Variants in PTPRZ1 observed in about 807,000 individuals in gnomAD.
PTPRZ1 encodes protein tyrosine phosphatase receptor type Z1.
PTPRZ1 carries 82 observed loss-of-function variants against 214.1 expected under a neutral mutation model. That is an observed-to-expected ratio of 0.38 (90% confidence interval 0.32 to 0.46). PTPRZ1 has a LOEUF of 0.46. Ranked by LOEUF, PTPRZ1 falls within the 20% of genes least tolerant of loss-of-function variation. The probability of loss-of-function intolerance (pLI) is 1.00; values close to 1 mark genes in which losing one functional copy is unlikely to be tolerated. For synonymous variants in PTPRZ1, 945 were observed against 987.9 expected (o/e 0.96, Z 0.81); for missense variants, 2,603 against 2,748.7 (o/e 0.95, Z 1.19).
chr7:121,934,315 A>G (rs1796008898), intron 2 of PTPRZ1, among the ~76,000 whole-genome samples: 1 of 151,980 alleles, frequency 6.6e-6, no homozygotes, highest in Non-Finnish European at 1.5e-5. Flanking sequence ...AATCTCAGTG[A>G]GAGGATATCA....
Position 122,028,491 on chromosome 7 carries a change from T to A in PTPRZ1, c.4989-61T>A, listed in dbSNP as rs1444614832. ...ATTTCTATCAAAATTTTCAAGCAGCTCAGAAATTGTCTTATTTTCCATAGC... is the reference window on the plus strand; with the variant it reads ...ATTTCTATCAAAATTTTCAAGCAGCACAGAAATTGTCTTATTTTCCATAGC... On this transcript the variant is annotated intron_variant, in intron 13 of 29. Coordinates refer to ENST00000393386, the MANE Select transcript of PTPRZ1 (RefSeq NM_002851.3). The A allele has an allele frequency of 3.9e-6, 5 of 1,294,132 alleles. No homozygotes were observed. In the East Asian group the frequency reaches 1.2e-4, roughly 30 times the overall value. The allele number at this position is 1,294,132 out of a possible 1,614,324, so 80.2% of individuals were successfully genotyped here.
intron 17 of PTPRZ1, 144 bp from the exon 18 acceptor site, chr7:122,036,456 C>T (rs1584764869): frequency 1.6e-6 from 1 of 615,408 alleles, no homozygotes; most frequent in East Asian, 2.8e-5. Context: ...TTTGCTGTCT[C>T]TGTATCCCCA....
intron 2 of PTPRZ1, among the ~76,000 whole-genome samples, chr7:121,957,653 A>G (rs1257999361): frequency 2.6e-5 from 4 of 152,200 alleles, no homozygotes; most frequent in East Asian, 1.9e-4. Flanking sequence ...GCCCATTTAC[A>G]TATATTATCT....
At chr7:122,055,273 A>T (rs1162965380) in intron 27 of PTPRZ1, among the ~76,000 whole-genome samples, 186 bp downstream of exon 27, 2 of 152,028 alleles carry the variant, frequency 1.3e-5, no homozygotes, top group African/African-American at 4.8e-5. Flanking sequence ...TTAAACAATT[A>T]GTCATCACTA....
At chr7:121,996,168 T>C (rs1378468552) in intron 8 of PTPRZ1, among the ~76,000 whole-genome samples, 1 of 152,116 alleles carries the variant, frequency 6.6e-6, no homozygotes, top group Non-Finnish European at 1.5e-5. Flanking sequence ...CTTTCCAGAA[T>C]GGAAAGCTGG....
chr7:121,889,553 G>A (rs1012394768), intron 1 of PTPRZ1, among the ~76,000 whole-genome samples: 3 of 152,040 alleles, frequency 2.0e-5, no homozygotes, highest in African/African-American at 2.4e-5. Flanking sequence ...AAAATAATAG[G>A]TGTTTCTTAA....
intron 11 of PTPRZ1, among the ~76,000 whole-genome samples, chr7:122,005,553 G>A (rs1376389470): frequency 1.3e-5 from 2 of 151,924 alleles, no homozygotes; most frequent in Admixed American, 6.6e-5. Context: ...AAAATGACCA[G>A]TCTACTTTGT....
chr7:121,936,630 G>GTGTGAGAGTCTATCTAACTA (rs370277493), intron 2 of PTPRZ1, among the ~76,000 whole-genome samples: 274 of 152,282 alleles, frequency 1.8e-3, no homozygotes, highest in African/African-American at 6.2e-3. Context: ...CGAGGTTTGG[G>GTGTGAGAGTCTATCTAACTA]TGTGAGAGTC....
intron 1 of PTPRZ1, among the ~76,000 whole-genome samples, chr7:121,893,989 A>G (rs1286897816): frequency 1.3e-5 from 2 of 152,354 alleles, no homozygotes; most frequent in African/African-American, 4.8e-5. Context: ...GATCGTGTGC[A>G]CAGGGCTAGT....
At chr7:122,014,346 C>A (rs1420380633) in intron 12 of PTPRZ1, among the ~76,000 whole-genome samples, 1 of 151,970 alleles carries the variant, frequency 6.6e-6, no homozygotes, top group Non-Finnish European at 1.5e-5. Flanking sequence ...GTGACATAAG[C>A]ACTTCTCTCT....
chr7:121,893,070 C>G (rs1212239101), intron 1 of PTPRZ1, among the ~76,000 whole-genome samples: 3 of 151,734 alleles, frequency 2.0e-5, no homozygotes, highest in Non-Finnish European at 4.4e-5. Flanking sequence ...CACAGAGAGG[C>G]AGGAAGGAGG....
In PTPRZ1 at chr7:122,061,305, T is replaced by C; in HGVS notation, c.*85T>C. ...CAGGAAAATCAGTCTAGTTCTGTTATCTGTTGATTTCCCATCACCTGACAG... is the reference window on the plus strand; with the variant it reads ...CAGGAAAATCAGTCTAGTTCTGTTACCTGTTGATTTCCCATCACCTGACAG... On this transcript the variant is annotated 3_prime_UTR_variant, in exon 30 of 30. Coordinates refer to ENST00000393386, the MANE Select transcript of PTPRZ1 (RefSeq NM_002851.3). The C allele has an allele frequency of 7.9e-7, 1 of 1,270,532 alleles. No individual in the cohort carries two copies. Among genetic ancestry groups the C allele is most frequent in the Non-Finnish European group, 1.0e-6 (1 of 962,700 alleles). The allele number at this position is 1,270,532 out of a possible 1,614,324, so 78.7% of individuals were successfully genotyped here.
At chr7:121,899,432 T>C (rs1414149777) in intron 1 of PTPRZ1, among the ~76,000 whole-genome samples, 1 of 152,248 alleles carries the variant, frequency 6.6e-6, no homozygotes, top group African/African-American at 2.4e-5. Flanking sequence ...TAAATTCTGC[T>C]AACTATAAAA....
intron 1 of PTPRZ1, among the ~76,000 whole-genome samples, chr7:121,901,562 C>A (rs1445200606): frequency 6.6e-6 from 1 of 152,038 alleles, no homozygotes; most frequent in Non-Finnish European, 1.5e-5. Context: ...TATAATTAAT[C>A]TCTTGATATT....
intron 2 of PTPRZ1, among the ~76,000 whole-genome samples, chr7:121,952,877 T>C (rs1232788219): frequency 6.6e-6 from 1 of 152,168 alleles, no homozygotes; most frequent in African/African-American, 2.4e-5. Flanking sequence ...GAATTACTTA[T>C]ACTAAAACAC....
intron 2 of PTPRZ1, among the ~76,000 whole-genome samples, chr7:121,941,134 AG>A (rs1452849080): frequency 1.3e-5 from 2 of 152,244 alleles, no homozygotes; most frequent in Non-Finnish European, 2.9e-5. Flanking sequence ...TTCAGAATGT[AG>A]TACCTCATGT....
chr7:122,057,970 A>ATATACATATATATATACATG (rs1562886885), intron 27 of PTPRZ1, among the ~76,000 whole-genome samples: 1 of 24,122 alleles, frequency 4.1e-5, no homozygotes, highest in African/African-American at 7.5e-4. Flanking sequence ...GTGTGTGTGT[A>ATATACATATATATATACATG]TATATATACA....
At chr7:122,023,723 T>TAATG (rs1187705353) in intron 13 of PTPRZ1, among the ~76,000 whole-genome samples, 6 of 70,194 alleles carry the variant, frequency 8.5e-5, no homozygotes, top group African/African-American at 1.5e-4. Context: ...ATTATATATA[T>TAATG]TATATGTATA....
At chr7:121,879,898 C>A (rs1230417427) in intron 1 of PTPRZ1, among the ~76,000 whole-genome samples, 1 of 148,772 alleles carries the variant, frequency 6.7e-6, no homozygotes, top group South Asian at 2.1e-4. Context: ...TTTTTTGTTG[C>A]TATTTCCTCT....
Sources: allele counts gnomAD v4.1 joint callset (sites outside exome capture counted in the v4.1 genomes callset), GRCh38; gene constraint gnomAD v4.1.1; transcripts MANE v1.5; gene names NCBI Gene and HGNC (gene_info 2026-07-23, HGNC 2026-07-21).